The following TSPAN18 variants were observed in gnomAD, a reference collection of about 807,000 sequenced individuals.
TSPAN18 encodes tetraspanin 18, also known as tetraspanin-18.
Under a neutral mutation model 27.3 loss-of-function variants are expected in TSPAN18, and 14 were observed. That is an observed-to-expected ratio of 0.51 (90% CI 0.34 to 0.80). The LOEUF (loss-of-function observed/expected upper bound fraction) is 0.80, where lower values mean the gene tolerates loss of function less well. TSPAN18 is among the 30% of genes least tolerant of loss of function. The pLI is 0.01. For synonymous variants in TSPAN18, 143 were observed against 136.5 expected (o/e 1.05, Z -0.33); for missense variants, 268 against 323.9 (o/e 0.83, Z 1.32).
intron 3 of TSPAN18, among the ~76,000 whole-genome samples, chr11:44,888,125 A>T (rs894877694): frequency 6.6e-6 from 1 of 151,748 alleles, no homozygotes; most frequent in African/African-American, 2.4e-5. Flanking sequence ...CAGGGTCTTG[A>T]CTCTAACCCA....
chr11:44,900,789 G>A (rs1262162376), intron 3 of TSPAN18, among the ~76,000 whole-genome samples: 3 of 136,770 alleles, frequency 2.2e-5, no homozygotes, highest in Non-Finnish European at 3.0e-5. Flanking sequence ...TTCCTCCTGG[G>A]TTCAAGCAAT....
chr11:44,806,041 CTT>C (rs34132755), intron 2 of TSPAN18, among the ~76,000 whole-genome samples: 56 of 134,478 alleles, frequency 4.2e-4, no homozygotes, highest in Admixed American at 2.0e-3. Context: ...CTATTTTTTC[CTT>C]TTTTTTTTTT....
intron 5 of TSPAN18, among the ~76,000 whole-genome samples, chr11:44,913,380 C>T (rs1156742866): frequency 6.6e-6 from 1 of 152,198 alleles, no homozygotes; most frequent in Middle Eastern, 3.2e-3. Context: ...CCCAAATACT[C>T]GTGTTGATCA....
At chr11:44,759,476 T>A (rs947615858) in intron 1 of TSPAN18, among the ~76,000 whole-genome samples, 2 of 152,160 alleles carry the variant, frequency 1.3e-5, no homozygotes, top group Non-Finnish European at 2.9e-5. Flanking sequence ...TGAGGGTCAT[T>A]CATTCTCTCT....
chr11:44,746,889 C>T (rs1410184435), intron 1 of TSPAN18, among the ~76,000 whole-genome samples: 2 of 152,230 alleles, frequency 1.3e-5, no homozygotes, highest in African/African-American at 4.8e-5. Context: ...CCCCTTGTGC[C>T]TATCAGGAAG....
At chr11:44,813,562 G>A (rs978139337) in intron 2 of TSPAN18, among the ~76,000 whole-genome samples, 2 of 152,168 alleles carry the variant, frequency 1.3e-5, no homozygotes, top group African/African-American at 4.8e-5. Flanking sequence ...CCACTCAGCA[G>A]GCGCTGCTGG....
intron 3 of TSPAN18, among the ~76,000 whole-genome samples, chr11:44,905,394 T>C (rs1859418085): frequency 1.3e-5 from 2 of 152,178 alleles, no homozygotes; most frequent in South Asian, 4.1e-4. Flanking sequence ...CAGGACTGGC[T>C]TGAGTTCTGG....
chr11:44,890,883 G>A (rs1336136414), intron 3 of TSPAN18, among the ~76,000 whole-genome samples: 1 of 151,788 alleles, frequency 6.6e-6, no homozygotes, highest in Non-Finnish European at 1.5e-5. Flanking sequence ...TTTTAAAAAA[G>A]TATTTTGGTT....
intron 1 of TSPAN18, among the ~76,000 whole-genome samples, chr11:44,731,633 T>TGAGAGAGAGAGA (rs1554976096): frequency 2.8e-5 from 3 of 107,384 alleles, no homozygotes; most frequent in African/African-American, 7.0e-5. Flanking sequence ...TGTGTGTGTG[T>TGAGAGAGAGAGA]GAGAGAGAGA....
At chr11:44,756,120 C>G (rs534052140) in intron 1 of TSPAN18, among the ~76,000 whole-genome samples, 66 of 152,280 alleles carry the variant, frequency 4.3e-4, no homozygotes, top group African/African-American at 1.5e-3. Flanking sequence ...CTTCCTGGCT[C>G]TCTTCCTCCT....
intron 2 of TSPAN18, among the ~76,000 whole-genome samples, chr11:44,784,682 T>C (rs1196967361): frequency 6.6e-6 from 1 of 152,194 alleles, no homozygotes; most frequent in Non-Finnish European, 1.5e-5. Context: ...TCCCCAGCCC[T>C]TGGGGCTGTG....
At chr11:44,778,131 A>G (rs141490788) in intron 2 of TSPAN18, among the ~76,000 whole-genome samples, 1 of 151,990 alleles carries the variant, frequency 6.6e-6, no homozygotes, top group East Asian at 1.9e-4. Context: ...AGAACTAGAA[A>G]TGGGGGCTGG....
At chr11:44,852,544 G>T (rs2135192272) in intron 2 of TSPAN18, among the ~76,000 whole-genome samples, 1 of 152,314 alleles carries the variant, frequency 6.6e-6, no homozygotes, top group South Asian at 2.1e-4. Context: ...TCACACTCAG[G>T]AGTGGCCTCA....
chr11:44,904,408 T>C (rs1460453178), intron 3 of TSPAN18, among the ~76,000 whole-genome samples: 3 of 152,242 alleles, frequency 2.0e-5, no homozygotes, highest in Non-Finnish European at 1.5e-5. Context: ...CCGATGTGCC[T>C]GTCAGACCTT....
intron 1 of TSPAN18, among the ~76,000 whole-genome samples, chr11:44,735,986 C>T (rs12417965): frequency 0.18 from 28,049 of 152,088 alleles, 4,152 homozygotes; most frequent in East Asian, 0.72. Flanking sequence ...GTCAACATAT[C>T]GTTTTGGGGT....
At chr11:44,736,741 A>T (rs1215582772) in intron 1 of TSPAN18, 1 of 152,238 alleles carries the variant, frequency 6.6e-6, no homozygotes, top group African/African-American at 2.4e-5. Flanking sequence ...GTTAGGACAC[A>T]TTCTGAACAC....
chr11:44,901,552 C>T (rs1859262923), intron 3 of TSPAN18, among the ~76,000 whole-genome samples: 2 of 152,248 alleles, frequency 1.3e-5, no homozygotes, highest in African/African-American at 2.4e-5. Flanking sequence ...TCATCCAAGT[C>T]AGGGCCTGGC....
At chr11:44,731,631 T>TGA (rs1168288636) in intron 1 of TSPAN18, among the ~76,000 whole-genome samples, 163 of 60,484 alleles carry the variant, frequency 2.7e-3, no homozygotes, top group East Asian at 7.5e-3. Flanking sequence ...TGTGTGTGTG[T>TGA]GTGAGAGAGA....
intron 8 of TSPAN18, chr11:44,926,382 T>G: frequency 3.0e-6 from 1 of 330,606 alleles, no homozygotes. Flanking sequence ...TATGGGAAAT[T>G]TCCCAATATT....
Sources: allele counts gnomAD v4.1 joint callset (sites outside exome capture counted in the v4.1 genomes callset), GRCh38; gene constraint gnomAD v4.1.1; transcripts MANE v1.5; gene names NCBI Gene and HGNC (gene_info 2026-07-23, HGNC 2026-07-21).